The following PHLPP2 variants were observed in gnomAD, a reference collection of about 807,000 sequenced individuals.
The protein encoded by PHLPP2 is PH domain leucine-rich repeat-containing protein phosphatase 2.
A neutral mutation model predicts 124.9 loss-of-function variants in PHLPP2; 66 were observed. The observed-to-expected ratio is 0.53, with a 90% CI of 0.43 to 0.65. PHLPP2 has a LOEUF of 0.65. PHLPP2 is among the 30% of genes least tolerant of loss of function. PHLPP2 has a pLI of 0.00. For synonymous variants in PHLPP2, 681 were observed against 624.7 expected, an observed-to-expected ratio of 1.09 and a Z score of -1.34; for missense variants, 1,685 against 1,600.4, an observed-to-expected ratio of 1.05 and a Z score of -0.90.
At position 71,656,692 on chromosome 16, in the gene PHLPP2, TGAAG is replaced by T. The variant is rs776572328; in HGVS notation, c.2280-15_2280-12del. On this transcript the variant is annotated splice_polypyrimidine_tract_variant and intron_variant, in intron 15 of 18. Transcript: ENST00000568954. ...AGGGTTGTGATATGGCTGTGGGAGG[TGAAG>T]GAAGATTAAACCATATATTCTTCTG... The T allele has an allele frequency of 2.8e-6, 4 of 1,439,478 alleles. No individual in the cohort carries two copies. The highest frequency in any genetic ancestry group is 3.9e-6 in the Non-Finnish European group (4 of 1,021,138). The allele number at this position is 1,439,478 out of a possible 1,614,324, so 89.2% of individuals were successfully genotyped here.
At chr16:71,658,941 A>T (rs932819888) in intron 13 of PHLPP2, 126 bp from the exon 14 acceptor site, 1 of 770,632 alleles carries the variant, frequency 1.3e-6, no homozygotes, top group Non-Finnish European at 2.2e-6. Flanking sequence ...CTGGTGAGAA[A>T]TGAAACCGAT....
chr16:71,717,912 G>T (rs2045374036), intron 1 of PHLPP2, among the ~76,000 whole-genome samples: 1 of 152,160 alleles, frequency 6.6e-6, no homozygotes, highest in Non-Finnish European at 1.5e-5. Context: ...TTTGTTTTGA[G>T]ACACGATCTC....
intron 15 of PHLPP2, among the ~76,000 whole-genome samples, chr16:71,657,126 A>G (rs1175176910): frequency 1.3e-5 from 2 of 152,086 alleles, no homozygotes; most frequent in East Asian, 1.9e-4. Context: ...TATTTTTAGT[A>G]GAGACGGGGT....
intron 2 of PHLPP2, among the ~76,000 whole-genome samples, chr16:71,703,805 T>C (rs1445129034): frequency 1.3e-5 from 2 of 152,198 alleles, no homozygotes; most frequent in Non-Finnish European, 2.9e-5. Flanking sequence ...CAAGATACTA[T>C]ATAGTATGAA....
At position 71,646,050 on chromosome 16, in the gene PHLPP2, G is replaced by C. The variant is rs1395274926; in HGVS notation, c.*2840C>G. 6.6e-6 allele frequency: 1 copy of C among 152,588 alleles called. No individual in the cohort carries two copies. The highest frequency in any genetic ancestry group is 1.5e-5 in the Non-Finnish European group (1 of 68,048). The allele number at this position is 152,588 out of a possible 1,614,324, so 9.5% of individuals were successfully genotyped here. The stretch of plus-strand genomic sequence containing the variant: ...GAGACCTGAGAATATGCAGAGGCCA[G>C]AATCTCTGTCTGTGCTAGAGATCAA... On this transcript the variant is annotated 3_prime_UTR_variant, in exon 19 of 19. Coordinates refer to ENST00000568954, the MANE Select transcript of PHLPP2 (RefSeq NM_015020.3).
In PHLPP2 at chr16:71,649,819, T is replaced by C. The variant is rs1260496564; in HGVS notation, c.3043A>G (p.Thr1015Ala). The C allele has an allele frequency of 2.5e-6, 4 of 1,614,032 alleles. No individual in the cohort carries two copies. Among genetic ancestry groups the C allele is most frequent in the Non-Finnish European group, 3.4e-6 (4 of 1,179,840 alleles). Residue 1015 changes from threonine to alanine, a missense_variant, in exon 19 of 19, where the codon ACA becomes GCA. Transcript: ENST00000568954. ...TGACAGCCATAGCTCTGCGCTAATGTGCACAGCTTCTTAGCAGCTGCTAAT... is the reference window on the plus strand; with the variant it reads ...TGACAGCCATAGCTCTGCGCTAATGCGCACAGCTTCTTAGCAGCTGCTAAT... ...DPLAAAKKLC[T>A]LAQSYGCQDN...
chr16:71,681,653 T>G, intron 6 of PHLPP2, 98 bp downstream of exon 6: 1 of 945,002 alleles, frequency 1.1e-6, no homozygotes, highest in Non-Finnish European at 1.5e-6. Context: ...GGAGGGGAAA[T>G]TTTAGAATAT....
At chr16:71,657,835 G>C (rs2044755116) in intron 15 of PHLPP2, among the ~76,000 whole-genome samples, 1 of 152,218 alleles carries the variant, frequency 6.6e-6, no homozygotes, top group African/African-American at 2.4e-5. Flanking sequence ...AGGGGTAGGA[G>C]TTTCAATAAA....
intron 7 of PHLPP2, 115 bp from the exon 8 acceptor site, chr16:71,679,100 A>G (rs745697033): frequency 6.1e-6 from 4 of 661,154 alleles, no homozygotes; most frequent in Non-Finnish European, 1.0e-5. Flanking sequence ...CCAAAATAGT[A>G]AAGTGTCCTA....
intron 1 of PHLPP2, among the ~76,000 whole-genome samples, chr16:71,716,006 AAC>A (rs2045360694): frequency 6.6e-6 from 1 of 151,948 alleles, no homozygotes; most frequent in African/African-American, 2.4e-5. Context: ...AAAAAAAAAA[AAC>A]TTTAATCTAT....
chr16:71,671,786 C>A (rs749077225), intron 10 of PHLPP2, among the ~76,000 whole-genome samples: 50 of 151,818 alleles, frequency 3.3e-4, no homozygotes, highest in African/African-American at 1.2e-3. Context: ...TGGTGGTGGG[C>A]GCCTTTAGTC....
chr16:71,658,682 G>A lies in PHLPP2; in HGVS notation c.2119C>T (p.Pro707Ser). 1 of 1,614,076 alleles carries A rather than the reference G, an allele frequency of 6.2e-7. No homozygotes were observed. Among genetic ancestry groups the A allele is most frequent in the Non-Finnish European group, 8.5e-7 (1 of 1,180,022 alleles). Residue 707 changes from proline (P) to serine (S), a missense_variant, in exon 14 of 19, where the codon CCA becomes TCA. Pro to Ser is a moderately conservative substitution (Grantham distance 74). Coordinates refer to ENST00000568954, the MANE Select transcript of PHLPP2 (RefSeq NM_015020.3). ...VAHSNNISIF[P>S]EILQLPQIQF... is the part of the protein sequence containing the mutation. ...ATCTGAGGCAACTGCAGTATTTCTG[G>A]GAAAATGCTGATGTTGTTGGAGTGT...
intron 2 of PHLPP2, among the ~76,000 whole-genome samples, chr16:71,708,264 G>GA (rs2045295487): frequency 6.6e-6 from 1 of 152,164 alleles, no homozygotes. Flanking sequence ...TGAGGCAACT[G>GA]AAGAACCACA....
chr16:71,664,481 G>A (rs1022338266), intron 12 of PHLPP2, among the ~76,000 whole-genome samples: 24 of 152,216 alleles, frequency 1.6e-4, no homozygotes, highest in African/African-American at 5.8e-4. Flanking sequence ...AGGCGCAGTG[G>A]CTCACGCCTA....
At chr16:71,674,818 G>A (rs1304958854) in intron 9 of PHLPP2, among the ~76,000 whole-genome samples, 1 of 152,146 alleles carries the variant, frequency 6.6e-6, no homozygotes, top group African/African-American at 2.4e-5. Context: ...CCAATATGGT[G>A]AAACCATGTC....
Position 71,664,062 on chromosome 16 carries a change from A to C in PHLPP2, c.1822T>G (p.Ser608Ala), listed in dbSNP as rs779727950. The C allele has an allele frequency of 6.2e-7, 1 of 1,613,838 alleles. No individual in the cohort carries two copies. The highest frequency in any genetic ancestry group is 8.5e-7 in the Non-Finnish European group (1 of 1,179,796). ...TCTCCAGTGCAGGCGGATGGTAAAG[A>C]CTCCAGACTATTTGCAGATGCATTC... is the stretch of plus-strand genomic sequence containing the variant. ...YLNASANSLE[S>A]LPSACTGEES... Residue 608 changes from serine to alanine, a missense_variant, in exon 13 of 19, where the codon TCT becomes GCT. Physicochemically the swap from Ser to Ala is moderately conservative, Grantham distance 99. Transcript: ENST00000568954.
intron 3 of PHLPP2, among the ~76,000 whole-genome samples, chr16:71,691,641 A>G (rs1440359235): frequency 1.3e-5 from 2 of 152,144 alleles, no homozygotes; most frequent in South Asian, 2.1e-4. Context: ...AATTTTGTAC[A>G]TAATCCTCCA....
At chr16:71,650,702 T>C (rs1258724422) in intron 18 of PHLPP2, among the ~76,000 whole-genome samples, 1 of 152,194 alleles carries the variant, frequency 6.6e-6, no homozygotes, top group Non-Finnish European at 1.5e-5. Flanking sequence ...TTGTACTGAT[T>C]TCAAGAAACG....
chr16:71,656,303 G>A lies in PHLPP2; in HGVS notation c.2390+268C>T, dbSNP rs77494016. On this transcript the variant is annotated intron_variant, in intron 16 of 18. Coordinates refer to ENST00000568954, the MANE Select transcript of PHLPP2 (RefSeq NM_015020.3). ...CTATAGGGAAGGAAAATTAGCAGAA[G>A]GATAAAGCTGTAACTGGTAAAGAAA... 4.7e-4 allele frequency among the ~76,000 whole-genome samples: 71 copies of A among 152,264 alleles called. 1 individual carries two copies. In the East Asian group the frequency reaches 0.012, roughly 26 times the overall value.
Sources: allele counts gnomAD v4.1 joint callset (sites outside exome capture counted in the v4.1 genomes callset), GRCh38; gene constraint gnomAD v4.1.1; transcripts MANE v1.5; gene names NCBI Gene and HGNC (gene_info 2026-07-23, HGNC 2026-07-21).